ZNF277: variants seen among roughly 807,000 people sequenced by gnomAD.
ZNF277 encodes the protein nuclear receptor-interacting factor 4.
A neutral mutation model predicts 60.7 loss-of-function variants in ZNF277; 55 were observed. The ratio of observed to expected loss-of-function variants is 0.91; its 90% CI spans 0.73 to 1.13. The LOEUF (loss-of-function observed/expected upper bound fraction) is 1.13. ZNF277 is among the 50% of genes most tolerant of loss of function. The pLI is 0.00. For missense variants in ZNF277, 510 were observed against 523.0 expected (o/e 0.98, Z 0.24); for synonymous variants, 178 against 179.3 (o/e 0.99, Z 0.06).
intron 1 of ZNF277, among the ~76,000 whole-genome samples, chr7:112,224,558 T>C (rs1184814276): frequency 6.6e-6 from 1 of 152,208 alleles, no homozygotes; most frequent in East Asian, 1.9e-4. Context: ...GGGGGATTCC[T>C]GCTGAAGGCA....
chr7:112,287,710 A>C (rs948060366), intron 2 of ZNF277: 3 of 152,160 alleles, frequency 2.0e-5, no homozygotes, highest in African/African-American at 7.2e-5. Context: ...TATTCTTAGT[A>C]GAGATGGGGT....
intron 1 of ZNF277, among the ~76,000 whole-genome samples, chr7:112,239,706 A>G (rs890255668): frequency 2.0e-5 from 3 of 152,228 alleles, no homozygotes; most frequent in African/African-American, 7.2e-5. Flanking sequence ...AAAGGATGTT[A>G]ATGAACTATA....
chr7:112,342,677 C>G lies in ZNF277; in HGVS notation c.1301C>G (p.Ser434Cys), dbSNP rs1291168389. ...ENVPIISEDT[S>C]KLYALKQSSI... ...GTTCCCATCATCAGTGAAGATACAT[C>G]TAAACTGTATGCTTTGAAACAAAGC... Residue 434 changes from serine to cysteine, a missense_variant, in exon 12 of 12, where the codon TCT becomes TGT. Coordinates refer to ENST00000361822, the MANE Select transcript of ZNF277 (RefSeq NM_021994.3). 4 of 1,611,312 alleles carry G rather than the reference C, an allele frequency of 2.5e-6. No individual in the cohort carries two copies. The East Asian group carries it at 8.9e-5, about 36-fold the overall frequency.
chr7:112,247,110 G>T (rs1264453231), intron 1 of ZNF277, among the ~76,000 whole-genome samples: 1 of 152,184 alleles, frequency 6.6e-6, no homozygotes, highest in South Asian at 2.1e-4. Flanking sequence ...GTATAAGCCA[G>T]TGAGAATTCC....
At chr7:112,250,043 A>G (rs1382313090) in intron 1 of ZNF277, among the ~76,000 whole-genome samples, 1 of 152,148 alleles carries the variant, frequency 6.6e-6, no homozygotes, top group Admixed American at 6.5e-5. Context: ...ACAGAGCCAT[A>G]TTTCTCTTCT....
chr7:112,261,560 C>T (rs533479012), intron 1 of ZNF277, among the ~76,000 whole-genome samples: 1 of 152,196 alleles, frequency 6.6e-6, no homozygotes, highest in East Asian at 1.9e-4. Context: ...AAAAAATACT[C>T]CTTTTTTGGT....
intron 1 of ZNF277, among the ~76,000 whole-genome samples, chr7:112,278,895 C>A (rs1411371679): frequency 1.3e-5 from 2 of 152,078 alleles, no homozygotes; most frequent in Non-Finnish European, 1.5e-5. Flanking sequence ...AACAGTAATT[C>A]CCCTTTTCCC....
intron 4 of ZNF277, among the ~76,000 whole-genome samples, chr7:112,307,345 T>C (rs1157260043): frequency 6.6e-6 from 1 of 152,106 alleles, no homozygotes; most frequent in Non-Finnish European, 1.5e-5. Context: ...CTAACCACCT[T>C]TTAGAATTCA....
rs879549010 is a variant in ZNF277 at position 112,266,150 on chromosome 7, C to CT, written c.92-20712dup. Among the ~76,000 whole-genome samples, 358 of 147,154 alleles carry CT rather than the reference C, an allele frequency of 2.4e-3. 3 individuals carry two copies. Among genetic ancestry groups the CT allele is most frequent in the African/African-American group, 6.9e-3 (278 of 40,334 alleles). On this transcript the variant is annotated intron_variant, in intron 1 of 11. Transcript: ENST00000361822. The stretch of plus-strand genomic sequence containing the variant: ...ACATTGTTACATTTACTTTTTAATT[C>CT]TTTTTTTTTTTGACGGAGTCTCACT...
chr7:112,238,847 C>T (rs1790871197), intron 1 of ZNF277, among the ~76,000 whole-genome samples: 1 of 150,096 alleles, frequency 6.7e-6, no homozygotes, highest in Non-Finnish European at 1.5e-5. Flanking sequence ...TGTTAGGTTA[C>T]ATGAATAAGT....
At chr7:112,296,357 T>A in intron 4 of ZNF277, 46 bp downstream of exon 4, 1 of 923,488 alleles carries the variant, frequency 1.1e-6, no homozygotes, top group Non-Finnish European at 1.6e-6. Flanking sequence ...AAAATACATA[T>A]AAATACATAT....
intron 2 of ZNF277, among the ~76,000 whole-genome samples, chr7:112,294,306 G>A (rs1041131872): frequency 3.3e-5 from 5 of 152,188 alleles, no homozygotes; most frequent in Non-Finnish European, 7.4e-5. Context: ...GGATGGCTAA[G>A]GAAATAATGT....
At chr7:112,208,344 A>G (rs994834829) in intron 1 of ZNF277, among the ~76,000 whole-genome samples, 4 of 152,162 alleles carry the variant, frequency 2.6e-5, no homozygotes, top group Non-Finnish European at 5.9e-5. Flanking sequence ...ACTGCACTCC[A>G]GCCTGGGAGG....
chr7:112,223,423 G>A (rs1293267262), intron 1 of ZNF277, among the ~76,000 whole-genome samples: 1 of 152,170 alleles, frequency 6.6e-6, no homozygotes, highest in Non-Finnish European at 1.5e-5. Flanking sequence ...AGGTCAACAG[G>A]TCTGTCTCCC....
intron 1 of ZNF277, among the ~76,000 whole-genome samples, chr7:112,236,006 A>G (rs113398793): frequency 0.011 from 1,648 of 152,150 alleles, 25 homozygotes; most frequent in African/African-American, 0.037. Flanking sequence ...ATCCAGTTTC[A>G]GCACCATTTG....
intron 3 of ZNF277, 27 bp downstream of exon 3, chr7:112,295,984 T>C (rs1792317065): frequency 6.6e-7 from 1 of 1,506,012 alleles, no homozygotes; most frequent in Non-Finnish European, 9.2e-7. Context: ...GCTACCATCT[T>C]TTCCCTACAG....
At chr7:112,232,075 A>ATG (rs1428295970) in intron 1 of ZNF277, among the ~76,000 whole-genome samples, 2 of 98,188 alleles carry the variant, frequency 2.0e-5, no homozygotes, top group African/African-American at 6.6e-5. Flanking sequence ...ATATATATAT[A>ATG]TATATATATT....
intron 4 of ZNF277, among the ~76,000 whole-genome samples, chr7:112,298,122 G>A (rs1188383412): frequency 2.0e-5 from 3 of 152,116 alleles, no homozygotes; most frequent in African/African-American, 7.2e-5. Context: ...AAGAGTACAA[G>A]GCATAATCCA....
chr7:112,266,927 A>G (rs539989154), intron 1 of ZNF277, among the ~76,000 whole-genome samples: 3 of 152,346 alleles, frequency 2.0e-5, no homozygotes, highest in African/African-American at 7.2e-5. Context: ...ATACATACTT[A>G]TATTCCAATA....
Sources: gnomAD v4.1 joint callset for allele counts (sites outside exome capture counted in the v4.1 genomes callset) on GRCh38, gnomAD v4.1.1 for gene constraint, MANE v1.5 for transcripts, NCBI Gene and HGNC (gene_info 2026-07-23, HGNC 2026-07-21) for gene names.